Variants in RGS6 observed in about 807,000 individuals in gnomAD.
RGS6 encodes regulator of G protein signaling 6.
RGS6 carries 30 observed loss-of-function variants against 78.5 expected under a neutral mutation model. The observed-to-expected ratio is 0.38, with a 90% CI of 0.29 to 0.52. The LOEUF (loss-of-function observed/expected upper bound fraction) is 0.52. RGS6 is among the 20% of genes least tolerant of loss of function. RGS6 has a pLI of 0.85. For synonymous variants in RGS6, 206 were observed against 206.0 expected (o/e 1.00, Z 0.00); for missense variants, 495 against 609.7 (o/e 0.81, Z 1.98).
Position 71,946,438 on chromosome 14 carries a change from G to A in RGS6, c.-21+13497G>A, listed in dbSNP as rs80267467. Among the ~76,000 whole-genome samples, 385 of 152,248 alleles carry A rather than the reference G, an allele frequency of 2.5e-3. 1 individual carries two copies. The highest frequency in any genetic ancestry group is 4.2e-3 in the Non-Finnish European group (288 of 67,994). ...GCTGCTCCTCCCCACTCCTTGTCCT[G>A]CTGGTCCGTGTCAGACAGTGCATCT... On this transcript the variant is annotated intron_variant, in intron 1 of 17. Coordinates refer to ENST00000553525, the MANE Select transcript of RGS6 (RefSeq NM_001204424.2).
chr14:72,370,554 A>T (rs953163581), intron 3 of RGS6, among the ~76,000 whole-genome samples: 1 of 152,178 alleles, frequency 6.6e-6, no homozygotes, highest in African/African-American at 2.4e-5. Flanking sequence ...GCCAAAGGTG[A>T]TGAGGTACAT....
intron 2 of RGS6, among the ~76,000 whole-genome samples, chr14:72,262,930 T>C (rs528467214): frequency 3.9e-5 from 6 of 152,228 alleles, no homozygotes; most frequent in East Asian, 1.9e-4. Context: ...TGTGGTGGCA[T>C]TGATTACCTG....
chr14:72,299,377 T>C (rs149204896), intron 2 of RGS6, among the ~76,000 whole-genome samples: 14 of 152,364 alleles, frequency 9.2e-5, no homozygotes, highest in African/African-American at 3.4e-4. Flanking sequence ...ATAAGTGGTC[T>C]TTTGAGACTG....
chr14:71,980,391 G>A (rs908782926), intron 2 of RGS6, among the ~76,000 whole-genome samples: 15 of 151,318 alleles, frequency 9.9e-5, no homozygotes, highest in South Asian at 2.1e-4. Flanking sequence ...ATTTTGCAGC[G>A]GCTGGTACCG....
intron 2 of RGS6, among the ~76,000 whole-genome samples, chr14:72,255,006 T>G (rs2056761041): frequency 1.3e-5 from 2 of 152,144 alleles, no homozygotes; most frequent in South Asian, 4.1e-4. Flanking sequence ...GGGATGGATT[T>G]TATGGTTTTG....
At chr14:72,620,295 G>C in the RGS6 span, among the ~76,000 whole-genome samples, 1 of 152,086 alleles carries the variant, frequency 6.6e-6, no homozygotes, top group African/African-American at 2.4e-5. Flanking sequence ...TTATTCTTCT[G>C]AACTTCCAAA....
intron 2 of RGS6, among the ~76,000 whole-genome samples, chr14:72,267,245 C>T (rs1440174755): frequency 6.6e-6 from 1 of 152,108 alleles, no homozygotes; most frequent in Non-Finnish European, 1.5e-5. Context: ...GCCACTGCAC[C>T]CAGCCAATTT....
intron 2 of RGS6, among the ~76,000 whole-genome samples, chr14:72,043,344 C>CTA (rs2092580929): frequency 6.6e-6 from 1 of 152,022 alleles, no homozygotes; most frequent in Non-Finnish European, 1.5e-5. Context: ...TTTAAATTTT[C>CTA]TATATATATA....
intron 3 of RGS6, among the ~76,000 whole-genome samples, chr14:72,387,606 T>C (rs2088626893): frequency 6.6e-6 from 1 of 152,042 alleles, no homozygotes; most frequent in Non-Finnish European, 1.5e-5. Flanking sequence ...AGTTATATAT[T>C]GTACATTTTA....
chr14:72,582,964 C>T, the RGS6 span, among the ~76,000 whole-genome samples: 18 of 148,420 alleles, frequency 1.2e-4, no homozygotes, highest in Admixed American at 2.7e-4. Flanking sequence ...AAAAAAATTG[C>T]CCTTACTTTT....
In RGS6 at chr14:72,099,997, G is replaced by A. The variant is rs186723617; in HGVS notation, c.84+135122G>A. 1.9e-3 allele frequency among the ~76,000 whole-genome samples: 286 copies of A among 152,238 alleles called. 2 individuals are homozygous for A. The highest frequency in any genetic ancestry group is 8.1e-4 in the Non-Finnish European group (55 of 68,022). On this transcript the variant is annotated intron_variant, in intron 2 of 17. Transcript: ENST00000553525. ...CTGTTTCATGGATTTGGTTCCGAAAGCCAAGCAGAGAGCGGGTCACCAGCA... is the reference window on the plus strand; with the variant it reads ...CTGTTTCATGGATTTGGTTCCGAAAACCAAGCAGAGAGCGGGTCACCAGCA...
intron 2 of RGS6, among the ~76,000 whole-genome samples, chr14:72,215,064 A>C (rs2045227675): frequency 6.6e-6 from 1 of 152,210 alleles, no homozygotes. Flanking sequence ...GTTCCAGGTA[A>C]CACAGACCAG....
At chr14:72,217,175 T>G (rs17109194) in intron 2 of RGS6, among the ~76,000 whole-genome samples, 9,033 of 152,172 alleles carry the variant, frequency 0.059, 447 homozygotes, top group East Asian at 0.32. Context: ...ATGCAGTGGA[T>G]AGCATTAGCC....
At chr14:72,601,952 C>T in the RGS6 span, among the ~76,000 whole-genome samples, 3 of 152,226 alleles carry the variant, frequency 2.0e-5, no homozygotes, top group African/African-American at 7.2e-5. Context: ...TGTCTGGGGG[C>T]GCTTGTGGCC....
At chr14:72,475,501 G>T (rs2096216925) in intron 10 of RGS6, among the ~76,000 whole-genome samples, 1 of 152,098 alleles carries the variant, frequency 6.6e-6, no homozygotes, top group Non-Finnish European at 1.5e-5. Flanking sequence ...AGGCCGAGGT[G>T]GGCGGATCAC....
At chr14:72,458,657 AC>A (rs1355208073) in intron 5 of RGS6, among the ~76,000 whole-genome samples, 1 of 152,142 alleles carries the variant, frequency 6.6e-6, no homozygotes, top group Non-Finnish European at 1.5e-5. Flanking sequence ...AAACAAACAA[AC>A]AAAAAATTTA....
intron 3 of RGS6, among the ~76,000 whole-genome samples, chr14:72,364,972 G>T (rs1812597244): frequency 6.6e-6 from 1 of 152,156 alleles, no homozygotes; most frequent in Non-Finnish European, 1.5e-5. Flanking sequence ...GTAGTATCTT[G>T]CTGCAAGGCC....
chr14:72,101,684 A>G (rs1388056571), intron 2 of RGS6, among the ~76,000 whole-genome samples: 4 of 152,178 alleles, frequency 2.6e-5, no homozygotes, highest in African/African-American at 9.7e-5. Flanking sequence ...CGTGTTGTGC[A>G]TCTCTGTTCC....
chr14:72,231,534 A>G (rs1408681129), intron 2 of RGS6, among the ~76,000 whole-genome samples: 1 of 152,230 alleles, frequency 6.6e-6, no homozygotes, highest in East Asian at 1.9e-4. Context: ...GGGAGGAGGT[A>G]TCTGCTAATA....
Sources: allele counts gnomAD v4.1 joint callset (sites outside exome capture counted in the v4.1 genomes callset), GRCh38; gene constraint gnomAD v4.1.1; transcripts MANE v1.5; gene names NCBI Gene and HGNC (gene_info 2026-07-23, HGNC 2026-07-21).